NAALADL2: variants seen among roughly 807,000 people sequenced by gnomAD.
NAALADL2 encodes N-acetylated alpha-linked acidic dipeptidase like 2.
A neutral mutation model predicts 87.2 loss-of-function variants in NAALADL2; 76 were observed. That is an observed-to-expected ratio of 0.87 (90% CI 0.72 to 1.05). NAALADL2 has a LOEUF of 1.05. Among genes scored for constraint, NAALADL2 ranks in the 50% least tolerant of loss-of-function variants. NAALADL2 has a pLI of 0.00. For missense variants in NAALADL2, 1,089 were observed against 945.8 expected, an observed-to-expected ratio of 1.15 and a Z score of -1.99; for synonymous variants, 354 against 331.0, an observed-to-expected ratio of 1.07 and a Z score of -0.75.
chr3:175,809,758 A>G lies in NAALADL2; in HGVS notation c.*6555A>G, dbSNP rs939582989. 7 of 151,982 alleles carry G rather than the reference A, an allele frequency of 4.6e-5. No individual in the cohort carries two copies. Among genetic ancestry groups the G allele is most frequent in the African/African-American group, 1.7e-4 (7 of 41,416 alleles). The allele number at this position is 151,982 out of a possible 1,614,324, so 9.4% of individuals were successfully genotyped here. A position where few individuals can be genotyped will look rare whatever the true frequency, so the allele number is the denominator to read the frequency against. ...TTTTATATGTATTTGGAATGTTAAT[A>G]TGGGACACATGCATTTAATACTTTA... On this transcript the variant is annotated 3_prime_UTR_variant, in exon 14 of 14. Transcript: ENST00000454872.
chr3:175,322,259 T>C, intron 4 of NAALADL2, among the ~76,000 whole-genome samples: 1 of 148,998 alleles, frequency 6.7e-6, no homozygotes, highest in East Asian at 2.0e-4. Context: ...ATTTAATAAA[T>C]GGTGCTGGGA....
At chr3:175,190,148 A>AAT (rs57688984) in intron 2 of NAALADL2, among the ~76,000 whole-genome samples, 57,539 of 148,998 alleles carry the variant, frequency 0.39, 11,622 homozygotes, top group East Asian at 0.52. Flanking sequence ...TGGCCTTGGC[A>AAT]ATATATATAT....
intron 5 of NAALADL2, among the ~76,000 whole-genome samples, chr3:175,384,763 TTTA>T (rs1768169825): frequency 6.6e-6 from 1 of 151,114 alleles, no homozygotes; most frequent in Non-Finnish European, 1.5e-5. Context: ...TATTTATTTA[TTTA>T]TTTTTATTTT....
chr3:174,797,760 A>T (rs1718314022), intron 3 of NAALADL2, among the ~76,000 whole-genome samples: 1 of 152,160 alleles, frequency 6.6e-6, no homozygotes, highest in African/African-American at 2.4e-5. Flanking sequence ...AATTGCTGTT[A>T]GTTAAGCCAA....
chr3:175,730,941 A>C (rs1261883306), intron 11 of NAALADL2, among the ~76,000 whole-genome samples: 2 of 152,158 alleles, frequency 1.3e-5, no homozygotes, highest in Admixed American at 1.3e-4. Context: ...AATATCATAG[A>C]TGTTCAGGAT....
chr3:175,484,368 T>C (rs573099807), intron 9 of NAALADL2, among the ~76,000 whole-genome samples: 7 of 152,264 alleles, frequency 4.6e-5, no homozygotes, highest in African/African-American at 1.7e-4. Context: ...GTAACATAAA[T>C]CATGTTTACA....
chr3:175,522,707 C>T (rs1161421186), intron 9 of NAALADL2, among the ~76,000 whole-genome samples: 1 of 152,166 alleles, frequency 6.6e-6, no homozygotes, highest in Non-Finnish European at 1.5e-5. Context: ...CTTCTCAGTA[C>T]ACATTTAGTA....
intron 1 of NAALADL2, among the ~76,000 whole-genome samples, chr3:175,041,566 T>C (rs1418109975): frequency 6.6e-6 from 1 of 152,156 alleles, no homozygotes; most frequent in Non-Finnish European, 1.5e-5. Context: ...ACAAACATCC[T>C]GCAAAAATGA....
intron 2 of NAALADL2, among the ~76,000 whole-genome samples, chr3:175,105,009 G>T (rs1321149336): frequency 6.6e-6 from 1 of 152,208 alleles, no homozygotes; most frequent in South Asian, 2.1e-4. Context: ...TAGGTATTTG[G>T]CTAAAGCAGC....
chr3:175,157,754 G>A (rs1271055133), intron 2 of NAALADL2, among the ~76,000 whole-genome samples: 1 of 151,986 alleles, frequency 6.6e-6, no homozygotes, highest in Admixed American at 6.6e-5. Flanking sequence ...TAACTAGAAA[G>A]TTATCTCGTA....
intron 11 of NAALADL2, among the ~76,000 whole-genome samples, chr3:175,717,501 G>A (rs1432400213): frequency 6.6e-6 from 1 of 151,964 alleles, no homozygotes; most frequent in Non-Finnish European, 1.5e-5. Context: ...AGACCAGCCT[G>A]GCCAACATGG....
rs1054010070 is a variant in NAALADL2 at position 175,576,196 on chromosome 3, T to A, written c.1800+9T>A. 1.2e-6 allele frequency: 2 copies of A among 1,608,668 alleles called. No homozygotes were observed. The highest frequency in any genetic ancestry group is 1.7e-6 in the Non-Finnish European group (2 of 1,178,044). On this transcript the variant is annotated intron_variant, in intron 10 of 13. Transcript: ENST00000454872. ...ACATCAAAACATTAGAGGTGATTGT[T>A]CCTAAAAAATGCAAAACACACACAC...
chr3:174,932,679 A>G (rs1026094224), intron 1 of NAALADL2, among the ~76,000 whole-genome samples: 6 of 152,192 alleles, frequency 3.9e-5, no homozygotes, highest in Admixed American at 2.6e-4. Flanking sequence ...AAAATACCAT[A>G]TAGAGTTCTT....
Position 174,511,548 on chromosome 3 carries a change from A to G in NAALADL2, c.-183-39021A>G, listed in dbSNP as rs1404095539. On this transcript the variant is annotated intron_variant, in intron 1 of 3. Coordinates refer to the NAALADL2 transcript ENST00000434257. The stretch of plus-strand genomic sequence containing the variant: ...TTACTTTTAATCTATTTTTTTTCAT[A>G]TTTCAAGTAGTTTTTCTGGTTAGAT... Among the ~76,000 whole-genome samples the G allele has an allele frequency of 9.2e-5, 14 of 151,426 alleles. No individual in the cohort carries two copies. In the South Asian group the frequency reaches 2.9e-3, roughly 32 times the overall value.
chr3:175,456,682 A>G (rs1218413688), intron 6 of NAALADL2, among the ~76,000 whole-genome samples: 4 of 152,212 alleles, frequency 2.6e-5, no homozygotes, highest in South Asian at 4.1e-4. Context: ...CTGACAAACA[A>G]TGACATACTC....
chr3:175,412,957 C>T (rs1398096215), intron 5 of NAALADL2, among the ~76,000 whole-genome samples: 5 of 142,624 alleles, frequency 3.5e-5, no homozygotes, highest in Non-Finnish European at 7.6e-5. Context: ...CTCTGTCTGT[C>T]GCCTAGGCTG....
chr3:175,398,286 C>A (rs887633234), intron 5 of NAALADL2, among the ~76,000 whole-genome samples: 11 of 150,158 alleles, frequency 7.3e-5, no homozygotes, highest in African/African-American at 2.7e-4. Flanking sequence ...TGACCCTCAG[C>A]AGGATTTGAA....
chr3:175,055,619 G>A (rs1198015059), intron 1 of NAALADL2, among the ~76,000 whole-genome samples: 1 of 152,204 alleles, frequency 6.6e-6, no homozygotes, highest in Non-Finnish European at 1.5e-5. Context: ...CCGAAATCGG[G>A]TTCCCATCTT....
At chr3:175,441,299 A>T (rs1183051503) in intron 5 of NAALADL2, among the ~76,000 whole-genome samples, 2 of 152,188 alleles carry the variant, frequency 1.3e-5, no homozygotes, top group African/African-American at 4.8e-5. Context: ...TGTATTAGGT[A>T]TTATAAGTAA....
Sources: allele counts gnomAD v4.1 joint callset (sites outside exome capture counted in the v4.1 genomes callset), GRCh38; gene constraint gnomAD v4.1.1; transcripts MANE v1.5; gene names NCBI Gene and HGNC (gene_info 2026-07-23, HGNC 2026-07-21).